Variants in PTPRN2 observed in about 807,000 individuals in gnomAD.
PTPRN2 encodes the protein receptor-type tyrosine-protein phosphatase N2.
Under a neutral mutation model 118.8 loss-of-function variants are expected in PTPRN2, and 74 were observed. That is an observed-to-expected ratio of 0.62 (90% CI 0.52 to 0.76). PTPRN2 has a LOEUF of 0.76. Among genes scored for constraint, PTPRN2 ranks in the 30% least tolerant of loss-of-function variants. The probability of loss-of-function intolerance (pLI) is 0.00; values close to 1 mark genes in which losing one functional copy is unlikely to be tolerated. For missense variants in PTPRN2, 1,481 were observed against 1,394.4 expected, an observed-to-expected ratio of 1.06 and a Z score of -0.99; for synonymous variants, 641 against 608.0, an observed-to-expected ratio of 1.05 and a Z score of -0.80.
At chr7:157,807,125 T>C (rs754936718) in intron 12 of PTPRN2, among the ~76,000 whole-genome samples, 7 of 152,216 alleles carry the variant, frequency 4.6e-5, no homozygotes, top group Non-Finnish European at 7.3e-5. Flanking sequence ...GCCCTTCCGA[T>C]GTAGCTGGCA....
chr7:158,180,530 T>C (rs1824609917), intron 5 of PTPRN2, among the ~76,000 whole-genome samples: 1 of 152,222 alleles, frequency 6.6e-6, no homozygotes, highest in African/African-American at 2.4e-5. Context: ...TAGATTGCTT[T>C]GGGCAGTGTG....
intron 9 of PTPRN2, among the ~76,000 whole-genome samples, chr7:158,124,305 T>C (rs1448938511): frequency 1.3e-5 from 2 of 152,178 alleles, no homozygotes; most frequent in East Asian, 1.9e-4. Context: ...TTCCCTAAAA[T>C]CAGCTGACGG....
At chr7:157,755,385 C>T (rs569171578) in intron 12 of PTPRN2, among the ~76,000 whole-genome samples, 8 of 152,194 alleles carry the variant, frequency 5.3e-5, no homozygotes, top group African/African-American at 1.7e-4. Context: ...GTCCTGGGTA[C>T]GAATGGGAGT....
chr7:158,498,392 AG>A (rs1200430256), intron 1 of PTPRN2, among the ~76,000 whole-genome samples: 4 of 152,366 alleles, frequency 2.6e-5, no homozygotes, highest in Non-Finnish European at 5.9e-5. Flanking sequence ...TACCAAATTC[AG>A]GATACCTACC....
chr7:158,511,773 C>T (rs73510505), intron 1 of PTPRN2, among the ~76,000 whole-genome samples: 10 of 152,256 alleles, frequency 6.6e-5, no homozygotes, highest in Middle Eastern at 3.4e-3. Context: ...TCACAGAGGC[C>T]GGAAAGAGCC....
intron 12 of PTPRN2, among the ~76,000 whole-genome samples, chr7:157,688,972 G>A (rs1242650431): frequency 6.6e-6 from 1 of 152,198 alleles, no homozygotes; most frequent in East Asian, 1.9e-4. Context: ...GTCCCGGCGC[G>A]GAGGGTGCTG....
rs1563179280 is a variant in PTPRN2, at chr7:157,858,178, CT to C, written c.1788+40494del. Among the ~76,000 whole-genome samples the C allele has an allele frequency of 5.3e-3, 120 of 22,654 alleles. 11 individuals carry two copies. The highest frequency in any genetic ancestry group is 0.015 in the Middle Eastern group (1 of 66). 14.9% of individuals were successfully genotyped at this position (22,654 alleles called of 152,430 possible). ...CCACCCACACTCCTGCAGGGAGAGC[CT>C]CCCAGCCACCACCCACACTCCTGCA... On this transcript the variant is annotated intron_variant, in intron 12 of 22. Coordinates refer to ENST00000389418, the MANE Select transcript of PTPRN2 (RefSeq NM_002847.5).
chr7:157,952,804 C>T (rs1800917917), intron 11 of PTPRN2, among the ~76,000 whole-genome samples: 1 of 152,150 alleles, frequency 6.6e-6, no homozygotes, highest in Admixed American at 6.5e-5. Context: ...CAAACCCAGA[C>T]CACCGAATGC....
intron 13 of PTPRN2, among the ~76,000 whole-genome samples, chr7:157,665,613 G>A (rs1271720750): frequency 3.3e-5 from 5 of 149,558 alleles, no homozygotes; most frequent in African/African-American, 4.9e-5. Context: ...CTTTAGCAGC[G>A]AAGAAAAAAC....
At chr7:158,475,822 C>T (rs950736091) in intron 2 of PTPRN2, among the ~76,000 whole-genome samples, 5 of 152,202 alleles carry the variant, frequency 3.3e-5, no homozygotes, top group Admixed American at 1.3e-4. Context: ...ACATAAGCAT[C>T]ATTAAGGCAG....
chr7:158,137,369 A>G (rs979964471), intron 7 of PTPRN2, among the ~76,000 whole-genome samples: 14 of 152,328 alleles, frequency 9.2e-5, no homozygotes, highest in South Asian at 4.1e-4. Flanking sequence ...GTGAGCCGAG[A>G]TCACGTCACC....
At chr7:157,871,675 T>C (rs921294429) in intron 12 of PTPRN2, among the ~76,000 whole-genome samples, 8 of 151,952 alleles carry the variant, frequency 5.3e-5, no homozygotes, top group Admixed American at 3.3e-4. Flanking sequence ...TTTTTTCCTA[T>C]TATAAACTAG....
chr7:157,790,160 T>C (rs1374567375), intron 12 of PTPRN2, among the ~76,000 whole-genome samples: 1 of 125,704 alleles, frequency 8.0e-6, no homozygotes, highest in Non-Finnish European at 1.7e-5. Context: ...GGTGTGAATG[T>C]GGTGTGTGTG....
In PTPRN2 at chr7:157,539,571, A is replaced by G. The variant is rs1797913736; in HGVS notation, c.*1143T>C. The G allele has an allele frequency of 6.6e-6, 1 of 152,200 alleles. No homozygotes were observed. Among genetic ancestry groups the G allele is most frequent in the Admixed American group, 6.5e-5 (1 of 15,288 alleles). 9.4% of individuals were successfully genotyped at this position (152,200 alleles called of 1,614,324 possible). A position where few individuals can be genotyped will look rare whatever the true frequency, so the allele number is the denominator to read the frequency against. ...ATTTTGTCAAATCCGAATCATCTCT[A>G]CGTGCTTAGGTTTACATGATGTCAA... On this transcript the variant is annotated 3_prime_UTR_variant, in exon 23 of 23. Coordinates refer to ENST00000389418, the MANE Select transcript of PTPRN2 (RefSeq NM_002847.5).
chr7:158,111,526 AG>A, intron 9 of PTPRN2, among the ~76,000 whole-genome samples: 1 of 152,350 alleles, frequency 6.6e-6, no homozygotes, highest in South Asian at 2.1e-4. Flanking sequence ...GCCAGCATTC[AG>A]GTTGAAAGTC....
At chr7:158,305,377 A>G (rs1801202650) in intron 3 of PTPRN2, among the ~76,000 whole-genome samples, 1 of 152,210 alleles carries the variant, frequency 6.6e-6, no homozygotes, top group South Asian at 2.1e-4. Flanking sequence ...AGAGCTAAAG[A>G]TAGAGGGAGA....
intron 12 of PTPRN2, among the ~76,000 whole-genome samples, chr7:157,730,837 C>T (rs1271225965): frequency 6.6e-6 from 1 of 152,174 alleles, no homozygotes; most frequent in Admixed American, 6.5e-5. Flanking sequence ...CAGGGGAGGG[C>T]TCTGACCTCG....
At chr7:157,865,172 T>C (rs1312071399) in intron 12 of PTPRN2, 2 of 152,300 alleles carry the variant, frequency 1.3e-5, no homozygotes, top group Admixed American at 6.5e-5. Flanking sequence ...TGCCGGGAAA[T>C]GGAGGTCCCT....
intron 2 of PTPRN2, among the ~76,000 whole-genome samples, chr7:158,479,963 G>A (rs1820543213): frequency 6.6e-6 from 1 of 152,242 alleles, no homozygotes; most frequent in Admixed American, 6.5e-5. Context: ...TGAGCCACTG[G>A]TTCTCTACTT....
Sources: allele counts gnomAD v4.1 joint callset (sites outside exome capture counted in the v4.1 genomes callset), GRCh38; gene constraint gnomAD v4.1.1; transcripts MANE v1.5; gene names NCBI Gene and HGNC (gene_info 2026-07-23, HGNC 2026-07-21).